The following FYCO1 variants were observed in gnomAD, a reference collection of about 807,000 sequenced individuals.
FYCO1 encodes the protein FYVE and coiled-coil domain autophagy adaptor 1, also known as FYVE and coiled-coil domain-containing protein 1.
FYCO1 carries 122 observed loss-of-function variants against 165.1 expected under a neutral mutation model. That is an observed-to-expected ratio of 0.74 (90% CI 0.64 to 0.86). The LOEUF (loss-of-function observed/expected upper bound fraction) is 0.86. FYCO1 is among the 40% of genes least tolerant of loss of function. FYCO1 has a pLI of 0.00. For missense variants in FYCO1, 1,702 were observed against 1,810.3 expected (o/e 0.94, Z 1.09); for synonymous variants, 648 against 742.5 (o/e 0.87, Z 2.07).
At chr3:45,988,014 T>C (rs1041322114) in intron 1 of FYCO1, among the ~76,000 whole-genome samples, 6 of 152,206 alleles carry the variant, frequency 3.9e-5, no homozygotes, top group Non-Finnish European at 7.3e-5. Context: ...AGTGTGCTCT[T>C]GGCTGGTGTC....
intron 14 of FYCO1, among the ~76,000 whole-genome samples, chr3:45,951,355 C>T (rs1221270854): frequency 6.6e-6 from 1 of 152,224 alleles, no homozygotes; most frequent in Non-Finnish European, 1.5e-5. Context: ...GTGGGCTGCA[C>T]TACCTAGAGC....
At chr3:45,944,716 G>A (rs1297216890) in intron 14 of FYCO1, among the ~76,000 whole-genome samples, 1 of 152,112 alleles carries the variant, frequency 6.6e-6, no homozygotes, top group African/African-American at 2.4e-5. Context: ...ATTTGCACAG[G>A]TCCTTTGAGG....
chr3:45,939,932 C>G (rs1438243606), intron 14 of FYCO1, among the ~76,000 whole-genome samples: 1 of 152,240 alleles, frequency 6.6e-6, no homozygotes, highest in African/African-American at 2.4e-5. Context: ...GCCACCTGGA[C>G]TGGTGGCCAC....
chr3:45,960,325 C>T (rs1705622013), intron 11 of FYCO1, among the ~76,000 whole-genome samples: 1 of 152,328 alleles, frequency 6.6e-6, no homozygotes, highest in East Asian at 1.9e-4. Context: ...GACACCCGAG[C>T]CACTCAGGTC....
chr3:45,987,114 G>A (rs1326444047), intron 1 of FYCO1, among the ~76,000 whole-genome samples: 1 of 152,206 alleles, frequency 6.6e-6, no homozygotes, highest in Admixed American at 6.5e-5. Flanking sequence ...GCCCTGTGCT[G>A]AGTCAAAGAA....
At chr3:45,930,766 A>C (rs1703558321) in intron 16 of FYCO1, among the ~76,000 whole-genome samples, 1 of 152,172 alleles carries the variant, frequency 6.6e-6, no homozygotes, top group African/African-American at 2.4e-5. Flanking sequence ...ATGATCCTTA[A>C]ATTGAGTCAT....
chr3:45,977,192 G>C (rs1190299653), intron 4 of FYCO1, among the ~76,000 whole-genome samples: 1 of 151,846 alleles, frequency 6.6e-6, no homozygotes, highest in African/African-American at 2.4e-5. Context: ...ATTTCATTAA[G>C]ACCCTCACAT....
chr3:45,979,085 C>T (rs1447251839), intron 4 of FYCO1, among the ~76,000 whole-genome samples: 1 of 152,014 alleles, frequency 6.6e-6, no homozygotes, highest in Non-Finnish European at 1.5e-5. Context: ...TGGTCTCGAT[C>T]TCCTGACCTC....
chr3:45,954,806 C>T (rs1158415313), intron 14 of FYCO1, among the ~76,000 whole-genome samples: 2 of 152,132 alleles, frequency 1.3e-5, no homozygotes, highest in African/African-American at 2.4e-5. Flanking sequence ...AGGGGACAGC[C>T]ACATGAAGAG....
chr3:45,929,465 C>G (rs1703484836), intron 16 of FYCO1, among the ~76,000 whole-genome samples: 1 of 152,208 alleles, frequency 6.6e-6, no homozygotes. Flanking sequence ...CCCTCCCTGC[C>G]ACAAACACTC....
chr3:45,946,377 C>G, intron 14 of FYCO1: 1 of 977,358 alleles, frequency 1.0e-6, no homozygotes, highest in Non-Finnish European at 1.6e-6. Flanking sequence ...ACTATTTGCC[C>G]CCTAAATGTG....
chr3:45,920,491 A>C lies in FYCO1; in HGVS notation c.*1274T>G, dbSNP rs1040048670. The C allele has an allele frequency of 6.6e-6, 1 of 152,290 alleles. No homozygotes were observed. The highest frequency in any genetic ancestry group is 1.5e-5 in the Non-Finnish European group (1 of 68,098). 9.4% of individuals were successfully genotyped at this position (152,290 alleles called of 1,614,324 possible). A position where few individuals can be genotyped will look rare whatever the true frequency, so the allele number is the denominator to read the frequency against. ...CTGACTGCAGGCAGCTGGTTCCATG[A>C]ACAAGGGACGAAGAGCTGTCCAAGG... On this transcript the variant is annotated 3_prime_UTR_variant, in exon 18 of 18. Coordinates refer to ENST00000296137, the MANE Select transcript of FYCO1 (RefSeq NM_024513.4).
intron 14 of FYCO1, chr3:45,941,154 G>C (rs1260208821): frequency 6.6e-6 from 1 of 152,144 alleles, no homozygotes; most frequent in Non-Finnish European, 1.5e-5. Flanking sequence ...TGAGTACTGG[G>C]ACTATAAGTG....
At chr3:45,925,232 C>CGT (rs1559438439) in intron 16 of FYCO1, among the ~76,000 whole-genome samples, 1 of 138,812 alleles carries the variant, frequency 7.2e-6, no homozygotes, top group Non-Finnish European at 1.6e-5. Context: ...CCAGCCCTTA[C>CGT]ATTTTTTTTT....
intron 14 of FYCO1, among the ~76,000 whole-genome samples, chr3:45,944,787 G>T (rs56184849): frequency 6.6e-6 from 1 of 152,168 alleles, no homozygotes; most frequent in Non-Finnish European, 1.5e-5. Flanking sequence ...ACCAAAAAAA[G>T]GCGAGAGCGA....
At chr3:45,981,506 A>G (rs1312025203) in intron 3 of FYCO1, 64 bp downstream of exon 3, 2 of 1,013,108 alleles carry the variant, frequency 2.0e-6, no homozygotes, top group Non-Finnish European at 3.1e-6. Flanking sequence ...AATGCTGATG[A>G]GTCACCCAAG....
intron 3 of FYCO1, among the ~76,000 whole-genome samples, chr3:45,980,999 C>T (rs1409265411): frequency 1.3e-5 from 2 of 152,128 alleles, no homozygotes; most frequent in African/African-American, 4.8e-5. Flanking sequence ...AAGAAAATAT[C>T]CTGGGCTGAC....
At chr3:45,950,208 C>T (rs370322740) in intron 14 of FYCO1, among the ~76,000 whole-genome samples, 1 of 152,176 alleles carries the variant, frequency 6.6e-6, no homozygotes, top group African/African-American at 2.4e-5. Flanking sequence ...TGGGTGTGGG[C>T]TCTGCTTGAG....
intron 16 of FYCO1, among the ~76,000 whole-genome samples, chr3:45,930,241 C>A (rs539246438): frequency 5.9e-5 from 9 of 152,150 alleles, no homozygotes; most frequent in Non-Finnish European, 1.0e-4. Flanking sequence ...TGTTTCCATG[C>A]AAACCATCTC....
Sources: allele counts gnomAD v4.1 joint callset (sites outside exome capture counted in the v4.1 genomes callset), GRCh38; gene constraint gnomAD v4.1.1; transcripts MANE v1.5; gene names NCBI Gene and HGNC (gene_info 2026-07-23, HGNC 2026-07-21).